CSNK2A2IP: variants seen among roughly 807,000 people sequenced by gnomAD.
CSNK2A2IP encodes casein kinase II subunit alpha'-interacting protein.
the CSNK2A2IP span, among the ~76,000 whole-genome samples, chr3:88,339,587 A>G: frequency 1.1e-4 from 17 of 152,206 alleles, no homozygotes; most frequent in African/African-American, 3.6e-4. Context: ...TAAGGTATGT[A>G]CAGGAAAAGT....
the CSNK2A2IP span, among the ~76,000 whole-genome samples, chr3:88,404,981 C>T: frequency 6.6e-6 from 1 of 152,098 alleles, no homozygotes; most frequent in South Asian, 2.1e-4. Context: ...CTTCATCCTC[C>T]ACCATTCTTT....
the CSNK2A2IP span, among the ~76,000 whole-genome samples, chr3:88,426,600 G>A: frequency 6.6e-6 from 1 of 152,116 alleles, no homozygotes; most frequent in Non-Finnish European, 1.5e-5. Flanking sequence ...ATCATGGGGG[G>A]CAATTACCCT....
chr3:88,369,761 T>G, the CSNK2A2IP span, among the ~76,000 whole-genome samples: 15,763 of 151,804 alleles, frequency 0.1, 1,293 homozygotes, highest in Admixed American at 0.27. Context: ...GTACATTCCC[T>G]GGCCACACAC....
At chr3:88,426,413 C>A in the CSNK2A2IP span, among the ~76,000 whole-genome samples, 1 of 152,176 alleles carries the variant, frequency 6.6e-6, no homozygotes, top group Non-Finnish European at 1.5e-5. Flanking sequence ...TGCAGACTTT[C>A]AGGTCCTTCT....
chr3:88,355,864 T>G, the CSNK2A2IP span, among the ~76,000 whole-genome samples: 1 of 152,070 alleles, frequency 6.6e-6, no homozygotes, highest in East Asian at 1.9e-4. Flanking sequence ...GTTGGAGGAG[T>G]GTTTCAGAAA....
At chr3:88,416,709 A>G in the CSNK2A2IP span, among the ~76,000 whole-genome samples, 1 of 152,216 alleles carries the variant, frequency 6.6e-6, no homozygotes. Context: ...TCAGTTCAAG[A>G]CAACATATCT....
the CSNK2A2IP span, among the ~76,000 whole-genome samples, chr3:88,456,949 T>G: frequency 6.6e-6 from 1 of 152,132 alleles, no homozygotes; most frequent in East Asian, 1.9e-4. Flanking sequence ...ATTCAAACTT[T>G]TTTGCATTCC....
At chr3:88,420,688 C>G in the CSNK2A2IP span, among the ~76,000 whole-genome samples, 1 of 152,040 alleles carries the variant, frequency 6.6e-6, no homozygotes, top group Non-Finnish European at 1.5e-5. Context: ...AATCAACATT[C>G]AAATTATATT....
the CSNK2A2IP span, among the ~76,000 whole-genome samples, chr3:88,341,950 TTAA>T: frequency 6.6e-6 from 1 of 151,958 alleles, no homozygotes; most frequent in African/African-American, 2.4e-5. Flanking sequence ...TTATAGAAAA[TTAA>T]ATGTCAATAG....
At chr3:88,346,496 G>A in the CSNK2A2IP span, among the ~76,000 whole-genome samples, 1 of 151,834 alleles carries the variant, frequency 6.6e-6, no homozygotes, top group East Asian at 1.9e-4. Context: ...TGGAGCCAGG[G>A]ATCCTTTACC....
At chr3:88,406,449 G>A in the CSNK2A2IP span, among the ~76,000 whole-genome samples, 102 of 152,206 alleles carry the variant, frequency 6.7e-4, no homozygotes, top group Non-Finnish European at 1.2e-3. Flanking sequence ...TTTTCATTTC[G>A]TTTTTCTCTT....
At chr3:88,402,529 T>C in the CSNK2A2IP span, among the ~76,000 whole-genome samples, 1 of 152,054 alleles carries the variant, frequency 6.6e-6, no homozygotes, top group Non-Finnish European at 1.5e-5. Flanking sequence ...ATTACTAAAA[T>C]TGGATATGTT....
the CSNK2A2IP span, among the ~76,000 whole-genome samples, chr3:88,407,855 C>G: frequency 4.6e-3 from 702 of 152,018 alleles, 9 homozygotes; most frequent in African/African-American, 0.016. Flanking sequence ...TCCCGAGTAG[C>G]TGGGATTACA....
chr3:88,439,026 C>A, the CSNK2A2IP span, among the ~76,000 whole-genome samples: 1 of 152,180 alleles, frequency 6.6e-6, no homozygotes, highest in Non-Finnish European at 1.5e-5. Flanking sequence ...CTGATTGCGT[C>A]TCTAGCATTG....
At chr3:88,404,507 T>C in the CSNK2A2IP span, among the ~76,000 whole-genome samples, 1 of 152,152 alleles carries the variant, frequency 6.6e-6, no homozygotes, top group Non-Finnish European at 1.5e-5. Context: ...ATAGTACTTT[T>C]TAATTTAAAC....
the CSNK2A2IP span, among the ~76,000 whole-genome samples, chr3:88,358,474 C>T: frequency 6.6e-5 from 10 of 151,960 alleles, no homozygotes; most frequent in African/African-American, 2.2e-4. Context: ...TTGTCATACA[C>T]GGCCCCCATT....
the CSNK2A2IP span, among the ~76,000 whole-genome samples, chr3:88,425,189 A>G: frequency 6.6e-6 from 1 of 152,070 alleles, no homozygotes; most frequent in Non-Finnish European, 1.5e-5. Flanking sequence ...TCTAGAGAAG[A>G]GCAACAACTA....
At chr3:88,450,536 C>T in the CSNK2A2IP span, among the ~76,000 whole-genome samples, 1 of 152,070 alleles carries the variant, frequency 6.6e-6, no homozygotes, top group Admixed American at 6.6e-5. Context: ...GGAGATCATA[C>T]AATAATTTTC....
chr3:88,394,784 T>C, the CSNK2A2IP span, among the ~76,000 whole-genome samples: 1 of 152,218 alleles, frequency 6.6e-6, no homozygotes, highest in South Asian at 2.1e-4. Flanking sequence ...GAGTGTTGAT[T>C]GGATTATTTT....
Sources: allele counts gnomAD v4.1 joint callset (sites outside exome capture counted in the v4.1 genomes callset), GRCh38; gene constraint gnomAD v4.1.1; transcripts MANE v1.5; gene names NCBI Gene and HGNC (gene_info 2026-07-23, HGNC 2026-07-21).